Variants in LAMA2 observed in about 807,000 individuals in gnomAD.
LAMA2 encodes laminin subunit alpha-2.
In LAMA2, 269 loss-of-function variants were observed where a neutral mutation model predicts 364.8. That is an observed-to-expected ratio of 0.74 (90% confidence interval 0.67 to 0.82). The LOEUF (loss-of-function observed/expected upper bound fraction) is 0.82, where lower values mean the gene tolerates loss of function less well. LAMA2 is among the 40% of genes least tolerant of loss of function. The pLI is 0.00. For missense variants in LAMA2, 3,807 were observed against 3,873.2 expected (o/e 0.98, Z 0.45); for synonymous variants, 1,379 against 1,370.6 (o/e 1.01, Z -0.14).
chr6:129,147,080 T>A lies in LAMA2; in HGVS notation c.909+32T>A, dbSNP rs374692035. Reference sequence around the variant, plus strand: ...ATATTTATAGGATGCTTAGGCAAAATGAAGCCCTGAGCTGTAAAATGTTTC... The same window carrying A: ...ATATTTATAGGATGCTTAGGCAAAAAGAAGCCCTGAGCTGTAAAATGTTTC... On this transcript the variant is annotated intron_variant, in intron 6 of 64. Coordinates refer to ENST00000421865, the MANE Select transcript of LAMA2 (RefSeq NM_000426.4). 258 of 1,334,080 alleles carry A rather than the reference T, an allele frequency of 1.9e-4. 1 individual carries two copies. The African/African-American group carries it at 3.4e-3, about 17-fold the overall frequency. 82.6% of individuals were successfully genotyped at this position (1,334,080 alleles called of 1,614,324 possible). A position where few individuals can be genotyped will look rare whatever the true frequency, so the allele number is the denominator to read the frequency against.
chr6:129,185,722 A>G (rs1781189537), intron 10 of LAMA2, among the ~76,000 whole-genome samples: 3 of 151,862 alleles, frequency 2.0e-5, no homozygotes, highest in Admixed American at 2.0e-4. Context: ...GATTGAAAAC[A>G]CTAGTCTAAA....
rs1330628390 is a variant in LAMA2, at chr6:129,394,629, C to T, written c.5445+1374C>T. On this transcript the variant is annotated intron_variant, in intron 37 of 64. Coordinates refer to ENST00000421865, the MANE Select transcript of LAMA2 (RefSeq NM_000426.4). Reference sequence around the variant, plus strand: ...TCCTGTCACAGGCTCCAGCATGATTCACCCTGCTCGGTGACACACCAGCCG... The same window carrying T: ...TCCTGTCACAGGCTCCAGCATGATTTACCCTGCTCGGTGACACACCAGCCG... 2.6e-5 allele frequency among the ~76,000 whole-genome samples: 4 copies of T among 152,198 alleles called. No individual in the cohort carries two copies. In the South Asian group the frequency reaches 6.2e-4, roughly 24 times the overall value.
At chr6:129,358,505 G>T (rs1333206612) in intron 32 of LAMA2, among the ~76,000 whole-genome samples, 3 of 152,028 alleles carry the variant, frequency 2.0e-5, no homozygotes. Context: ...TAATCTTAAA[G>T]TTGGAAGAAA....
chr6:129,456,268 C>A, intron 47 of LAMA2, 67 bp from the exon 48 acceptor site: 1 of 1,421,628 alleles, frequency 7.0e-7, no homozygotes, highest in Non-Finnish European at 9.9e-7. Context: ...CTGGAATTAC[C>A]AGAAATGTGA....
rs10586725 is a variant in LAMA2, at chr6:129,374,579, CT to C, written c.4959+4605del. 7.7e-3 allele frequency among the ~76,000 whole-genome samples: 1,081 copies of C among 140,450 alleles called. 2 individuals are homozygous for C. The highest frequency in any genetic ancestry group is 0.023 in the East Asian group (112 of 4,868). The allele number at this position is 140,450 out of a possible 152,430, so 92.1% of individuals were successfully genotyped here. On this transcript the variant is annotated intron_variant, in intron 34 of 64. Transcript: ENST00000421865. Reference sequence around the variant, plus strand: ...AAATGCCTTAATTGGTACTGCCAATCTTTTTTTTTTTTTTTTAAACAGAGTT... The same window carrying C: ...AAATGCCTTAATTGGTACTGCCAATCTTTTTTTTTTTTTTTAAACAGAGTT...
chr6:129,156,997 G>GAC (rs1166360795), intron 8 of LAMA2, among the ~76,000 whole-genome samples: 2 of 152,088 alleles, frequency 1.3e-5, no homozygotes, highest in Non-Finnish European at 2.9e-5. Flanking sequence ...TGTGCATGGA[G>GAC]ACACACACAC....
chr6:129,220,410 A>T (rs1324517453), intron 12 of LAMA2, among the ~76,000 whole-genome samples: 1 of 152,208 alleles, frequency 6.6e-6, no homozygotes, highest in Non-Finnish European at 1.5e-5. Context: ...TTGGTCAACA[A>T]GTGAGGAATT....
At chr6:129,471,155 C>T (rs1783791434) in intron 51 of LAMA2, among the ~76,000 whole-genome samples, 1 of 151,834 alleles carries the variant, frequency 6.6e-6, no homozygotes, top group South Asian at 2.1e-4. Context: ...CTGAACTCAT[C>T]AACTGTGAAA....
chr6:129,460,071 C>A, intron 48 of LAMA2, 129 bp from the exon 49 acceptor site: 1 of 881,856 alleles, frequency 1.1e-6, no homozygotes, highest in Non-Finnish European at 1.9e-6. Context: ...TGAATATGTA[C>A]ATATGCCAAA....
intron 3 of LAMA2, among the ~76,000 whole-genome samples, chr6:129,063,795 T>C (rs939610041): frequency 2.0e-5 from 3 of 152,168 alleles, no homozygotes; most frequent in African/African-American, 7.2e-5. Context: ...GTTAACAGTT[T>C]TAACTGGAAT....
intron 12 of LAMA2, among the ~76,000 whole-genome samples, chr6:129,219,899 G>A (rs368020969): frequency 1.2e-4 from 18 of 150,906 alleles, no homozygotes; most frequent in South Asian, 8.4e-4. Flanking sequence ...CAGCACACCA[G>A]CATGGCACAT....
At chr6:128,960,534 AT>A (rs1478794785) in intron 1 of LAMA2, among the ~76,000 whole-genome samples, 51 of 144,600 alleles carry the variant, frequency 3.5e-4, no homozygotes, top group African/African-American at 1.3e-3. Context: ...TAATTTTTGT[AT>A]TTTTAGTAGA....
At chr6:129,296,686 T>A (rs1773205277) in intron 20 of LAMA2, among the ~76,000 whole-genome samples, 1 of 152,026 alleles carries the variant, frequency 6.6e-6, no homozygotes, top group South Asian at 2.1e-4. Flanking sequence ...CAAGAAGCAA[T>A]TATTAAGTCT....
intron 4 of LAMA2, among the ~76,000 whole-genome samples, chr6:129,125,101 C>T (rs1195396280): frequency 6.6e-6 from 1 of 152,134 alleles, no homozygotes; most frequent in Non-Finnish European, 1.5e-5. Flanking sequence ...ATGTGCTGAT[C>T]AATTTTCCGT....
At chr6:128,905,605 T>C (rs1459763539) in intron 1 of LAMA2, 2 of 151,966 alleles carry the variant, frequency 1.3e-5, no homozygotes, top group African/African-American at 4.8e-5. Flanking sequence ...TTGTTTGTTT[T>C]TTTCGTTTTT....
intron 51 of LAMA2, among the ~76,000 whole-genome samples, chr6:129,471,643 T>G (rs544034538): frequency 6.6e-6 from 1 of 152,054 alleles, no homozygotes; most frequent in East Asian, 1.9e-4. Context: ...GAAAACAGTT[T>G]TATAAATCTA....
At chr6:129,479,502 C>T (rs1276868296) in intron 54 of LAMA2, 1 of 152,368 alleles carries the variant, frequency 6.6e-6, no homozygotes, top group Non-Finnish European at 1.5e-5. Flanking sequence ...CATAGCTCTA[C>T]TCTCTTAAAA....
At chr6:129,218,574 A>T (rs1783578180) in intron 12 of LAMA2, among the ~76,000 whole-genome samples, 1 of 152,162 alleles carries the variant, frequency 6.6e-6, no homozygotes, top group Non-Finnish European at 1.5e-5. Context: ...TTTCAGTAAC[A>T]TTCATTAAAT....
chr6:129,101,033 T>C (rs1445952566), intron 4 of LAMA2, among the ~76,000 whole-genome samples: 1 of 152,254 alleles, frequency 6.6e-6, no homozygotes, highest in Non-Finnish European at 1.5e-5. Flanking sequence ...TTTAAAATTA[T>C]GTACTTTCAC....
Sources: allele counts gnomAD v4.1 joint callset (sites outside exome capture counted in the v4.1 genomes callset), GRCh38; gene constraint gnomAD v4.1.1; transcripts MANE v1.5; gene names NCBI Gene and HGNC (gene_info 2026-07-23, HGNC 2026-07-21).